Variants in ODAPH observed in about 807,000 individuals in gnomAD.
The protein encoded by ODAPH is amelogenesis imperfecta type IIA4.
ODAPH carries 2 observed loss-of-function variants against 2.8 expected under a neutral mutation model. That is an observed-to-expected ratio of 0.72 (90% CI 0.30 to 2.28). The LOEUF (loss-of-function observed/expected upper bound fraction) is 2.28, where lower values mean the gene tolerates loss of function less well. Among genes scored for constraint, ODAPH ranks in the 30% most tolerant of loss-of-function variants. ODAPH has a pLI of 0.13. For missense variants in ODAPH, 159 were observed against 163.3 expected (o/e 0.97, Z 0.14); for synonymous variants, 75 against 60.3 (o/e 1.24, Z -1.13).
chr4:75,557,819 A>G (rs1050744003), intron 1 of ODAPH, among the ~76,000 whole-genome samples: 4 of 146,280 alleles, frequency 2.7e-5, no homozygotes, highest in Non-Finnish European at 3.0e-5. Context: ...GTGGATCTCC[A>G]TACTCATCCT....
chr4:75,561,451 A>G (rs537169144), intron 1 of ODAPH, among the ~76,000 whole-genome samples: 28 of 152,170 alleles, frequency 1.8e-4, no homozygotes, highest in African/African-American at 6.3e-4. Flanking sequence ...CAAGGAACAG[A>G]CACCCATTCA....
At chr4:75,564,087 T>G (rs753442709) in intron 1 of ODAPH, 27 bp from the exon 2 acceptor site, 6 of 1,612,046 alleles carry the variant, frequency 3.7e-6, no homozygotes, top group Non-Finnish European at 4.2e-6. Context: ...CAGACCTGTT[T>G]CCTGACTTGC....
chr4:75,556,715 C>A, intron 1 of ODAPH: 1 of 711,346 alleles, frequency 1.4e-6, no homozygotes, highest in South Asian at 1.8e-5. Flanking sequence ...TGTTCCTATT[C>A]TCTTTCTTTG....
At chr4:75,560,304 C>A (rs1727511420) in intron 1 of ODAPH, among the ~76,000 whole-genome samples, 1 of 152,082 alleles carries the variant, frequency 6.6e-6, no homozygotes, top group Non-Finnish European at 1.5e-5. Context: ...AAAGCAAATT[C>A]TTCAGATGAA....
intron 1 of ODAPH, among the ~76,000 whole-genome samples, chr4:75,557,754 C>A (rs1447491213): frequency 6.6e-6 from 1 of 152,222 alleles, no homozygotes; most frequent in Non-Finnish European, 1.5e-5. Flanking sequence ...GCAGCCCCTG[C>A]TTCCAGTTCA....
rs763960044 is a variant in ODAPH, at chr4:75,564,178, G to C, written c.132G>C (p.Gln44His). 6 of 1,614,072 alleles carry C rather than the reference G, an allele frequency of 3.7e-6. No individual in the cohort carries two copies. In the East Asian group the frequency reaches 8.9e-5, roughly 24 times the overall value. The part of the protein sequence containing the change: ...SQNNADATDC[Q>H]IFTLTPPPAP... ...ATAATGCGGACGCTACCGACTGCCA[G>C]ATCTTTACACTCACCCCTCCACCTG... is the stretch of plus-strand genomic sequence containing the variant. The change falls in exon 2 of 2, where the codon CAG (glutamine) becomes CAC (histidine). Residue 44 changes from glutamine (Q) to histidine (H), a missense_variant. Physicochemically the swap from Gln to His is conservative, Grantham distance 24. Transcript: ENST00000311623.
intron 1 of ODAPH, among the ~76,000 whole-genome samples, chr4:75,558,602 T>C (rs534175622): frequency 2.0e-5 from 3 of 152,216 alleles, no homozygotes; most frequent in African/African-American, 7.2e-5. Flanking sequence ...ATTTCATGTC[T>C]AGACTATAAT....
At chr4:75,565,083 GCCT>G (rs952966342), downstream of ODAPH, 1 of 154,800 alleles carries the variant, frequency 6.5e-6, no homozygotes, top group Non-Finnish European at 1.4e-5. Flanking sequence ...TGCAACCTCT[GCCT>G]CCCGGGTTCA....
At chr4:75,557,122 C>G (rs989524980) in intron 1 of ODAPH, among the ~76,000 whole-genome samples, 1 of 152,154 alleles carries the variant, frequency 6.6e-6, no homozygotes, top group African/African-American at 2.4e-5. Context: ...CTCTGGCAAT[C>G]AGGGGACAGG....
intron 1 of ODAPH, among the ~76,000 whole-genome samples, chr4:75,562,251 C>T (rs923176412): frequency 1.3e-5 from 2 of 151,924 alleles, no homozygotes; most frequent in African/African-American, 2.4e-5. Flanking sequence ...CCAATACAGC[C>T]AAGAAACCTG....
At chr4:75,557,925 G>A (rs1288436122) in intron 1 of ODAPH, among the ~76,000 whole-genome samples, 1 of 152,200 alleles carries the variant, frequency 6.6e-6, no homozygotes, top group African/African-American at 2.4e-5. Context: ...ACATTTAAAT[G>A]CCACTATGAT....
chr4:75,559,842 G>A (rs150864693), intron 1 of ODAPH, among the ~76,000 whole-genome samples: 29 of 152,286 alleles, frequency 1.9e-4, no homozygotes, highest in Admixed American at 5.2e-4. Flanking sequence ...TCTACAAGAC[G>A]GTCACGTAGA....
intron 1 of ODAPH, among the ~76,000 whole-genome samples, chr4:75,557,996 G>A (rs1727409775): frequency 6.6e-6 from 1 of 152,210 alleles, no homozygotes; most frequent in Non-Finnish European, 1.5e-5. Context: ...TTCTCTTTCT[G>A]ACACCTTTGA....
chr4:75,560,554 G>A (rs1031576153), intron 1 of ODAPH, among the ~76,000 whole-genome samples: 3 of 152,130 alleles, frequency 2.0e-5, no homozygotes, highest in African/African-American at 7.2e-5. Context: ...GCTAACTAGC[G>A]ACCCGATAGG....
At chr4:75,559,208 T>C (rs1295980870) in intron 1 of ODAPH, among the ~76,000 whole-genome samples, 2 of 152,158 alleles carry the variant, frequency 1.3e-5, no homozygotes, top group Non-Finnish European at 2.9e-5. Flanking sequence ...ATTGGCGAGG[T>C]CCTATTCTAG....
intron 1 of ODAPH, among the ~76,000 whole-genome samples, chr4:75,561,993 A>C (rs1346542441): frequency 6.6e-6 from 1 of 152,016 alleles, no homozygotes; most frequent in Admixed American, 6.5e-5. Context: ...TCAACATTCC[A>C]CAGGACAAAA....
downstream of ODAPH, chr4:75,565,687 G>A (rs1727785972): frequency 6.6e-6 from 1 of 152,164 alleles, no homozygotes; most frequent in African/African-American, 2.4e-5. Context: ...TGCATATGTG[G>A]TCAGTGGTTT....
chr4:75,558,606 C>A (rs138139808), intron 1 of ODAPH, among the ~76,000 whole-genome samples: 5 of 151,944 alleles, frequency 3.3e-5, no homozygotes, highest in Admixed American at 3.3e-4. Flanking sequence ...CATGTCTAGA[C>A]TATAATAAAC....
chr4:75,561,106 C>T (rs957030194), intron 1 of ODAPH, among the ~76,000 whole-genome samples: 5 of 151,496 alleles, frequency 3.3e-5, no homozygotes, highest in African/African-American at 1.2e-4. Flanking sequence ...CGCCTGTAGT[C>T]CCGGCTACTC....
Sources: allele counts gnomAD v4.1 joint callset (sites outside exome capture counted in the v4.1 genomes callset), GRCh38; gene constraint gnomAD v4.1.1; transcripts MANE v1.5; gene names NCBI Gene and HGNC (gene_info 2026-07-23, HGNC 2026-07-21).